The following ATP13A4 variants were observed in gnomAD, a reference collection of about 807,000 sequenced individuals.
The protein encoded by ATP13A4 is ATPase 13A4.
ATP13A4 carries 114 observed loss-of-function variants against 142.5 expected under a neutral mutation model. The observed-to-expected ratio is 0.80, with a 90% CI of 0.69 to 0.93. The LOEUF is 0.93. ATP13A4 is among the 40% of genes least tolerant of loss of function. ATP13A4 has a pLI of 0.00. For synonymous variants in ATP13A4, 488 were observed against 514.8 expected (o/e 0.95, Z 0.70); for missense variants, 1,392 against 1,454.0 (o/e 0.96, Z 0.69).
At chr3:193,582,396 C>T (rs952983284) in intron 1 of ATP13A4, among the ~76,000 whole-genome samples, 1 of 149,208 alleles carries the variant, frequency 6.7e-6, no homozygotes, top group African/African-American at 2.5e-5. Flanking sequence ...ATCCGTCCGC[C>T]TCAGCCTCCC....
intron 21 of ATP13A4, 44 bp downstream of exon 21, chr3:193,440,514 T>C: frequency 1.2e-6 from 2 of 1,612,656 alleles, no homozygotes; most frequent in East Asian, 2.2e-5. Context: ...CTGACTGTTA[T>C]GCCTCCATGC....
chr3:193,437,447 C>T (rs1198488656), intron 23 of ATP13A4, among the ~76,000 whole-genome samples: 1 of 152,092 alleles, frequency 6.6e-6, no homozygotes. Context: ...TTGGGAGGAC[C>T]TAGCCAAATT....
At chr3:193,455,483 G>A (rs1244731306) in intron 16 of ATP13A4, among the ~76,000 whole-genome samples, 1 of 152,034 alleles carries the variant, frequency 6.6e-6, no homozygotes, top group East Asian at 1.9e-4. Context: ...ACCACAGTGA[G>A]ATACCATCTC....
intron 1 of ATP13A4, among the ~76,000 whole-genome samples, chr3:193,551,172 G>C (rs1723539027): frequency 6.6e-6 from 1 of 152,200 alleles, no homozygotes; most frequent in Non-Finnish European, 1.5e-5. Context: ...CCAGCACTTT[G>C]GGAGGCTGAG....
At chr3:193,519,878 C>T (rs1721626091) in intron 1 of ATP13A4, among the ~76,000 whole-genome samples, 1 of 151,980 alleles carries the variant, frequency 6.6e-6, no homozygotes, top group Admixed American at 6.6e-5. Flanking sequence ...CTCCCGACCT[C>T]AGGTGATCCA....
intron 18 of ATP13A4, among the ~76,000 whole-genome samples, chr3:193,445,831 A>G (rs1716919269): frequency 6.6e-6 from 1 of 152,152 alleles, no homozygotes. Context: ...ACACGATTTA[A>G]GAACTGAACG....
At chr3:193,528,092 T>C (rs1722110638) in intron 1 of ATP13A4, among the ~76,000 whole-genome samples, 1 of 152,188 alleles carries the variant, frequency 6.6e-6, no homozygotes, top group Non-Finnish European at 1.5e-5. Context: ...TAAGGAAAAA[T>C]ACAAATGGTT....
intron 1 of ATP13A4, among the ~76,000 whole-genome samples, chr3:193,529,095 C>A (rs1409616242): frequency 6.6e-6 from 1 of 152,098 alleles, no homozygotes; most frequent in Non-Finnish European, 1.5e-5. Context: ...CATGGCGAAA[C>A]CCCGTCTCTA....
chr3:193,584,858 C>A (rs1724637418), intron 1 of ATP13A4, among the ~76,000 whole-genome samples: 1 of 152,116 alleles, frequency 6.6e-6, no homozygotes, highest in Non-Finnish European at 1.5e-5. Context: ...TTTAAATGAA[C>A]AAATCTTCGC....
At chr3:193,504,746 T>A (rs1267219777) in intron 2 of ATP13A4, among the ~76,000 whole-genome samples, 1 of 152,194 alleles carries the variant, frequency 6.6e-6, no homozygotes, top group African/African-American at 2.4e-5. Flanking sequence ...TAAGAAAATG[T>A]ATAATTTGTA....
intron 24 of ATP13A4, among the ~76,000 whole-genome samples, chr3:193,434,908 C>T (rs1039129857): frequency 2.0e-5 from 3 of 152,282 alleles, no homozygotes; most frequent in African/African-American, 7.2e-5. Flanking sequence ...TATACTAACA[C>T]TTAAAAGTCA....
At chr3:193,549,719 C>A (rs1723438074) in intron 1 of ATP13A4, among the ~76,000 whole-genome samples, 1 of 152,188 alleles carries the variant, frequency 6.6e-6, no homozygotes, top group Admixed American at 6.5e-5. Flanking sequence ...GTGGTCCCAG[C>A]TACTCAGGAG....
intron 23 of ATP13A4, among the ~76,000 whole-genome samples, chr3:193,436,663 G>C (rs1323039366): frequency 1.3e-5 from 2 of 151,530 alleles, no homozygotes; most frequent in African/African-American, 4.8e-5. Context: ...CGTTGGCCAA[G>C]CTGGTCTCGA....
At chr3:193,451,325 T>C (rs1576976592) in intron 17 of ATP13A4, among the ~76,000 whole-genome samples, 2 of 152,224 alleles carry the variant, frequency 1.3e-5, no homozygotes, top group East Asian at 3.8e-4. Context: ...CCATAGCCTA[T>C]AGCCTACATT....
chr3:193,503,097 C>T lies in ATP13A4; in HGVS notation c.235-458G>A, dbSNP rs112418305. Among the ~76,000 whole-genome samples the T allele has an allele frequency of 5.3e-5, 8 of 152,268 alleles. 2 individuals carry two copies. The highest frequency in any genetic ancestry group is 1.9e-4 in the African/African-American group (8 of 41,542). On this transcript the variant is annotated intron_variant, in intron 2 of 29. Transcript: ENST00000342695. Reference sequence around the variant, plus strand: ...AAATGTTAAGTGTCCCTCTCTTGTGCTCTTAATCACTTTTTCTAGTCCTTC... The same window carrying T: ...AAATGTTAAGTGTCCCTCTCTTGTGTTCTTAATCACTTTTTCTAGTCCTTC...
In ATP13A4 at chr3:193,472,209, A is replaced by G. The variant is rs564539523; in HGVS notation, c.809-1216T>C. ...ACTGCAGTCAGAAAACATTAAGTGG[A>G]CAATCCCAGAAATAAACAATGTATA... On this transcript the variant is annotated intron_variant, in intron 8 of 29. Coordinates refer to ENST00000342695, the MANE Select transcript of ATP13A4 (RefSeq NM_032279.4). Among the ~76,000 whole-genome samples, 3 of 152,348 alleles carry G rather than the reference A, an allele frequency of 2.0e-5. No homozygotes were observed. The South Asian group carries it at 6.2e-4, about 32-fold the overall frequency.
chr3:193,401,685 G>A lies in ATP13A4; in HGVS notation c.*967C>T, dbSNP rs1467765109. Among the ~76,000 whole-genome samples, 3 of 152,106 alleles carry A rather than the reference G, an allele frequency of 2.0e-5. No homozygotes were observed. Among genetic ancestry groups the A allele is most frequent in the African/African-American group, 7.2e-5 (3 of 41,412 alleles). On this transcript the variant is annotated 3_prime_UTR_variant, in exon 30 of 30. Transcript: ENST00000342695. ...GGCCTGGTACAAAATGAAAATATGG[G>A]GACCCCTGTTCAAAAATTAAGAATT... is the stretch of plus-strand genomic sequence containing the variant.
intron 1 of ATP13A4, among the ~76,000 whole-genome samples, chr3:193,533,585 C>T (rs984051284): frequency 6.6e-6 from 1 of 152,064 alleles, no homozygotes; most frequent in African/African-American, 2.4e-5. Flanking sequence ...AGAAACCAAA[C>T]ACCACAAAGA....
intron 1 of ATP13A4, among the ~76,000 whole-genome samples, chr3:193,588,519 T>C (rs143587207): frequency 6.6e-6 from 1 of 152,346 alleles, no homozygotes; most frequent in African/African-American, 2.4e-5. Flanking sequence ...CGAAGTATCC[T>C]TTCAAAGAAT....
Sources: allele counts gnomAD v4.1 joint callset (sites outside exome capture counted in the v4.1 genomes callset), GRCh38; gene constraint gnomAD v4.1.1; transcripts MANE v1.5; gene names NCBI Gene and HGNC (gene_info 2026-07-23, HGNC 2026-07-21).